Variants in TMOD1 observed in about 807,000 individuals in gnomAD.
The protein encoded by TMOD1 is tropomodulin 1, also known as tropomodulin-1.
TMOD1 carries 17 observed loss-of-function variants against 40.6 expected under a neutral mutation model. The ratio of observed to expected loss-of-function variants is 0.42; its 90% CI spans 0.29 to 0.63. The LOEUF (loss-of-function observed/expected upper bound fraction) is 0.63. TMOD1 is among the 20% of genes least tolerant of loss of function. TMOD1 has a pLI of 0.22. For synonymous variants in TMOD1, 181 were observed against 175.0 expected (o/e 1.03, Z -0.27); for missense variants, 391 against 447.6 (o/e 0.87, Z 1.14).
chr9:97,506,623 C>G (rs182055179), intron 1 of TMOD1, among the ~76,000 whole-genome samples: 1 of 152,282 alleles, frequency 6.6e-6, no homozygotes, highest in African/African-American at 2.4e-5. Context: ...AGTGTGAATC[C>G]AAGAGCTCAT....
intron 2 of TMOD1, among the ~76,000 whole-genome samples, chr9:97,529,673 C>T (rs1306207264): frequency 6.6e-6 from 1 of 152,182 alleles, no homozygotes; most frequent in Non-Finnish European, 1.5e-5. Flanking sequence ...GACTGATTCC[C>T]CAGAGGATCT....
At chr9:97,562,863 G>T (rs780767134) in intron 5 of TMOD1, 42 bp downstream of exon 5, 2 of 1,497,446 alleles carry the variant, frequency 1.3e-6, no homozygotes, top group Admixed American at 2.1e-5. Flanking sequence ...CATGCTTCTT[G>T]CTTCCTCCAC....
At position 97,591,334 on chromosome 9, in the gene TMOD1, T is replaced by C. The variant is rs952320148; in HGVS notation, c.914T>C (p.Met305Thr). The change falls in exon 9 of 10, where the codon ATG (methionine) becomes ACG (threonine). Residue 305 changes from methionine to threonine, a missense_variant. Coordinates refer to ENST00000259365, the MANE Select transcript of TMOD1 (RefSeq NM_003275.4). Reference sequence around the variant, plus strand: ...AAAGTGGAAATGGAGATTGTGAGCATGTTGGAAAAAAACGCAACACTTCTC... The same window carrying C: ...AAAGTGGAAATGGAGATTGTGAGCACGTTGGAAAAAAACGCAACACTTCTC... ...GNKVEMEIVS[M>T]LEKNATLLKF... The C allele has an allele frequency of 1.9e-6, 3 of 1,614,090 alleles. No homozygotes were observed. The highest frequency in any genetic ancestry group is 2.5e-6 in the Non-Finnish European group (3 of 1,180,050).
At chr9:97,537,776 T>C (rs1830207382) in intron 2 of TMOD1, among the ~76,000 whole-genome samples, 1 of 152,230 alleles carries the variant, frequency 6.6e-6, no homozygotes, top group Non-Finnish European at 1.5e-5. Context: ...ATTTAAAACC[T>C]ATGTGTATAC....
At chr9:97,548,756 C>T (rs1433825640) in intron 3 of TMOD1, among the ~76,000 whole-genome samples, 1 of 152,226 alleles carries the variant, frequency 6.6e-6, no homozygotes, top group Non-Finnish European at 1.5e-5. Context: ...AGCATTCATT[C>T]TACTTCCATA....
intron 9 of TMOD1, among the ~76,000 whole-genome samples, chr9:97,593,383 T>A (rs1188983239): frequency 2.6e-5 from 4 of 151,988 alleles, no homozygotes; most frequent in South Asian, 2.1e-4. Flanking sequence ...ATTGTAAGAA[T>A]GTAGGATGGT....
intron 1 of TMOD1, chr9:97,516,767 C>A (rs1264813632): frequency 1.3e-5 from 2 of 152,062 alleles, no homozygotes; most frequent in Non-Finnish European, 2.9e-5. Flanking sequence ...ATCGGTGGCC[C>A]CCGGAGTAGT....
intron 8 of TMOD1, among the ~76,000 whole-genome samples, chr9:97,573,323 G>A (rs2131273718): frequency 6.6e-6 from 1 of 152,356 alleles, no homozygotes. Flanking sequence ...TATGTATAAT[G>A]TCTGGGGTAG....
At chr9:97,567,101 T>C (rs903069231) in intron 7 of TMOD1, among the ~76,000 whole-genome samples, 18 of 152,242 alleles carry the variant, frequency 1.2e-4, no homozygotes, top group African/African-American at 4.1e-4. Flanking sequence ...TGTTCTTTCA[T>C]ATTTTTGAAA....
intron 6 of TMOD1, 135 bp downstream of exon 6, chr9:97,564,303 G>A: frequency 8.3e-7 from 1 of 1,207,560 alleles, no homozygotes. Flanking sequence ...TTCTGCATTG[G>A]GAATAGGGAC....
intron 9 of TMOD1, among the ~76,000 whole-genome samples, chr9:97,595,816 TAA>T (rs1231404428): frequency 6.6e-6 from 1 of 152,134 alleles, no homozygotes; most frequent in African/African-American, 2.4e-5. Flanking sequence ...CTCACACCTG[TAA>T]TCCCAGCACT....
chr9:97,598,261 G>A (rs73552520), intron 9 of TMOD1, among the ~76,000 whole-genome samples: 17,345 of 149,034 alleles, frequency 0.12, 2,873 homozygotes, highest in African/African-American at 0.36. Flanking sequence ...CCTGGGAGGC[G>A]AGGTTGCAGT....
intron 2 of TMOD1, among the ~76,000 whole-genome samples, chr9:97,543,316 A>G (rs1360146907): frequency 6.6e-6 from 1 of 152,252 alleles, no homozygotes; most frequent in Non-Finnish European, 1.5e-5. Context: ...TGTGTGTTTT[A>G]GTTTTTTGAA....
chr9:97,506,685 C>T lies in TMOD1; in HGVS notation c.-49+4882C>T, dbSNP rs549796555. Reference sequence around the variant, plus strand: ...GAGGAACAGCAAGTATTGTTACCTACCTTTTGTAATGGGACAGTGAACCCT... The same window carrying T: ...GAGGAACAGCAAGTATTGTTACCTATCTTTTGTAATGGGACAGTGAACCCT... On this transcript the variant is annotated intron_variant, in intron 1 of 9. Coordinates refer to ENST00000259365, the MANE Select transcript of TMOD1 (RefSeq NM_003275.4). 3.3e-5 allele frequency among the ~76,000 whole-genome samples: 5 copies of T among 152,382 alleles called. No homozygotes were observed. In the South Asian group the frequency reaches 8.3e-4, roughly 25 times the overall value.
chr9:97,506,659 G>A (rs781106839), intron 1 of TMOD1, among the ~76,000 whole-genome samples: 10 of 152,196 alleles, frequency 6.6e-5, no homozygotes, highest in Non-Finnish European at 8.8e-5. Flanking sequence ...ACCCCATGAG[G>A]GAGGAACAGC....
At chr9:97,535,422 A>ATGCC (rs1243509988) in intron 2 of TMOD1, among the ~76,000 whole-genome samples, 3 of 152,052 alleles carry the variant, frequency 2.0e-5, no homozygotes, top group Non-Finnish European at 4.4e-5. Context: ...TCTCCCTGCG[A>ATGCC]TGCCCCTGCA....
intron 8 of TMOD1, among the ~76,000 whole-genome samples, chr9:97,586,607 G>A (rs909926204): frequency 1.3e-5 from 2 of 151,518 alleles, no homozygotes; most frequent in African/African-American, 4.8e-5. Context: ...CCCCAGCCTC[G>A]CTGCCGCCTT....
chr9:97,503,394 GT>G (rs1360038028), intron 1 of TMOD1, among the ~76,000 whole-genome samples: 1 of 152,120 alleles, frequency 6.6e-6, no homozygotes, highest in Non-Finnish European at 1.5e-5. Context: ...TTTACTTTCT[GT>G]TATGTGTTTT....
At chr9:97,539,971 C>CAAAAAAAAAAAAAA (rs34844299) in intron 2 of TMOD1, among the ~76,000 whole-genome samples, 22 of 71,520 alleles carry the variant, frequency 3.1e-4, no homozygotes, top group Admixed American at 3.5e-4. Flanking sequence ...GACTCTGTCT[C>CAAAAAAAAAAAAAA]AAAAAAAAAA....
Sources: gnomAD v4.1 joint callset for allele counts (sites outside exome capture counted in the v4.1 genomes callset) on GRCh38, gnomAD v4.1.1 for gene constraint, MANE v1.5 for transcripts, NCBI Gene and HGNC (gene_info 2026-07-23, HGNC 2026-07-21) for gene names.